The following ELP1 variants were observed in gnomAD, a reference collection of about 807,000 sequenced individuals.
ELP1 encodes elongator acetyltransferase complex subunit 1.
Under a neutral mutation model 183.2 loss-of-function variants are expected in ELP1, and 131 were observed. The ratio of observed to expected loss-of-function variants is 0.72; its 90% CI spans 0.62 to 0.83. The LOEUF (loss-of-function observed/expected upper bound fraction) is 0.83. Ranked by LOEUF, ELP1 falls within the 40% of genes least tolerant of loss-of-function variation. The pLI is 0.00. For missense variants in ELP1, 1,550 were observed against 1,594.9 expected, an observed-to-expected ratio of 0.97 and a Z score of 0.48; for synonymous variants, 555 against 569.0, an observed-to-expected ratio of 0.98 and a Z score of 0.35.
chr9:108,912,419 T>C lies in ELP1; in HGVS notation c.1034A>G (p.Lys345Arg), dbSNP rs772819713. ...AGGGTCCCACATCAGAGACACAATC[T>C]TGCTCTTCCCACAGGTGCTGAAGGA... ...SLSFSTCGKS[K>R]IVSLMWDPVT... The change falls in exon 11 of 37, where the codon AAG (lysine) becomes AGG (arginine). Residue 345 changes from lysine (K) to arginine (R), a missense_variant. Physicochemically the swap from Lys to Arg is conservative, Grantham distance 26 (BLOSUM62 2). Transcript: ENST00000374647. The C allele has an allele frequency of 1.5e-5, 25 of 1,613,934 alleles. No individual in the cohort carries two copies. The South Asian group carries it at 2.4e-4, about 16-fold the overall frequency.
intron 29 of ELP1, among the ~76,000 whole-genome samples, chr9:108,885,595 A>G (rs1442354224): frequency 6.6e-6 from 1 of 152,228 alleles, no homozygotes; most frequent in East Asian, 1.9e-4. Flanking sequence ...AGAAAAAAAT[A>G]TCTCCCAAGA....
chr9:108,900,293 A>G lies in ELP1; in HGVS notation c.2097T>C (p.Thr699=), dbSNP rs144352068. 12 of 1,614,016 alleles carry G rather than the reference A, an allele frequency of 7.4e-6. No individual in the cohort carries two copies. In the African/African-American group the frequency reaches 1.6e-4, roughly 22 times the overall value. The change falls in exon 19 of 37, where the codon ACT becomes ACC. Residue 699 remains threonine (T), a synonymous_variant. Transcript: ENST00000374647. ...RKVERGSRIV[T]VVPQDTKLVL... is the part of the protein sequence containing the mutation. ...CAAGCTTTGTGTCCTGGGGCACAAC[A>G]GTGACAATCCGTGAACCCCTCTCCA...
intron 29 of ELP1, among the ~76,000 whole-genome samples, chr9:108,884,335 T>C (rs1220423364): frequency 6.6e-6 from 1 of 152,136 alleles, no homozygotes; most frequent in African/African-American, 2.4e-5. Context: ...TTCCCAGTCA[T>C]TGATAGAGCA....
intron 14 of ELP1, 103 bp from the exon 15 acceptor site, chr9:108,903,772 T>A: frequency 1.3e-6 from 1 of 784,172 alleles, no homozygotes; most frequent in Non-Finnish European, 2.3e-6. Flanking sequence ...GATGCTGCAC[T>A]ACCTACTTCA....
chr9:108,891,492 T>C, intron 27 of ELP1, 88 bp from the exon 28 acceptor site: 1 of 1,176,444 alleles, frequency 8.5e-7, no homozygotes, highest in Non-Finnish European at 1.3e-6. Context: ...TTCCTATACT[T>C]GGAACTCCCT....
chr9:108,885,950 CCTT>C (rs758353488), intron 29 of ELP1, among the ~76,000 whole-genome samples: 2 of 152,304 alleles, frequency 1.3e-5, no homozygotes, highest in South Asian at 2.1e-4. Context: ...TTTTTCCACT[CCTT>C]CTTGCATAAA....
chr9:108,894,286 C>T (rs1217109236), intron 25 of ELP1, among the ~76,000 whole-genome samples: 1 of 152,196 alleles, frequency 6.6e-6, no homozygotes, highest in Non-Finnish European at 1.5e-5. Flanking sequence ...AAAATCCAAG[C>T]ATACCCCAGT....
At chr9:108,924,905 G>A (rs1423664759) in intron 5 of ELP1, among the ~76,000 whole-genome samples, 5 of 152,040 alleles carry the variant, frequency 3.3e-5, no homozygotes, top group South Asian at 2.1e-4. Context: ...CCTTACATAC[G>A]CAAAGCCTAT....
chr9:108,918,782 A>T (rs767038207), intron 8 of ELP1, 29 bp downstream of exon 8: 13 of 1,537,672 alleles, frequency 8.5e-6, no homozygotes, highest in Non-Finnish European at 4.5e-6. Context: ...GGTTCCAAGA[A>T]TTTCTCTAAG....
chr9:108,878,338 G>A (rs1047292348), intron 34 of ELP1, among the ~76,000 whole-genome samples, 189 bp from the exon 35 acceptor site: 3 of 152,108 alleles, frequency 2.0e-5, no homozygotes, highest in African/African-American at 7.2e-5. Flanking sequence ...AATCAAGCAC[G>A]CTGGGGGGCC....
chr9:108,916,363 G>C, intron 9 of ELP1, 66 bp from the exon 10 acceptor site: 1 of 1,237,302 alleles, frequency 8.1e-7, no homozygotes, highest in Non-Finnish European at 1.2e-6. Context: ...CTTTATAATA[G>C]CTGTATTTCC....
At chr9:108,925,166 A>G (rs573428155) in intron 5 of ELP1, among the ~76,000 whole-genome samples, 53 of 152,218 alleles carry the variant, frequency 3.5e-4, no homozygotes, top group Admixed American at 1.7e-3. Context: ...CCACACACAA[A>G]AACAACAAAA....
intron 16 of ELP1, 116 bp downstream of exon 16, chr9:108,902,723 G>C: frequency 1.3e-6 from 1 of 760,590 alleles, no homozygotes; most frequent in Non-Finnish European, 2.4e-6. Context: ...TCCCACTATT[G>C]TCTAGGCATT....
At chr9:108,918,222 A>G (rs751029749) in intron 8 of ELP1, among the ~76,000 whole-genome samples, 12 of 152,224 alleles carry the variant, frequency 7.9e-5, no homozygotes, top group African/African-American at 2.7e-4. Context: ...CATACAACAG[A>G]TATCACCGAA....
At position 108,893,148 on chromosome 9, in the gene ELP1, T is replaced by C. The variant is rs56337974; in HGVS notation, c.2861-65A>G. ...TGGGAAGCATAATGGACTTCATTTA[T>C]ACCAATGGTCACCAAACAAAATAAA... On this transcript the variant is annotated intron_variant, in intron 26 of 36. Transcript: ENST00000374647. 2.2e-3 allele frequency: 2,351 copies of C among 1,091,224 alleles called. 9 individuals are homozygous for C. Among genetic ancestry groups the C allele is most frequent in the South Asian group, 3.0e-3 (242 of 80,214 alleles). 67.6% of individuals were successfully genotyped at this position (1,091,224 alleles called of 1,614,324 possible).
intron 4 of ELP1, 47 bp from the exon 5 acceptor site, chr9:108,926,650 T>C: frequency 6.7e-7 from 1 of 1,481,494 alleles, no homozygotes; most frequent in Non-Finnish European, 9.3e-7. Context: ...TGTAACAAAT[T>C]TGCCATTCCT....
chr9:108,880,359 C>T (rs562128767), intron 31 of ELP1, among the ~76,000 whole-genome samples, 194 bp from the exon 32 acceptor site: 4 of 152,162 alleles, frequency 2.6e-5, no homozygotes, highest in African/African-American at 7.2e-5. Context: ...AGTTCATCAA[C>T]ATTATCCCAG....
At chr9:108,884,500 T>C (rs58370160) in intron 29 of ELP1, among the ~76,000 whole-genome samples, 193 of 152,102 alleles carry the variant, frequency 1.3e-3, no homozygotes, top group African/African-American at 4.4e-3. Context: ...ATATTATAAA[T>C]TAAAATAAAT....
chr9:108,902,774 C>G, intron 16 of ELP1, 65 bp downstream of exon 16: 2 of 1,222,036 alleles, frequency 1.6e-6, no homozygotes, highest in Non-Finnish European at 2.4e-6. Flanking sequence ...CACGCTCTTT[C>G]TACTTAATGC....
Sources: gnomAD v4.1 joint callset for allele counts (sites outside exome capture counted in the v4.1 genomes callset) on GRCh38, gnomAD v4.1.1 for gene constraint, MANE v1.5 for transcripts, NCBI Gene and HGNC (gene_info 2026-07-23, HGNC 2026-07-21) for gene names.